DHRS3: variants seen among roughly 807,000 people sequenced by gnomAD.
The protein encoded by DHRS3 is short-chain dehydrogenase/reductase 3.
In DHRS3, 14 loss-of-function variants were observed where a neutral mutation model predicts 27.2. That is an observed-to-expected ratio of 0.52 (90% CI 0.34 to 0.81). DHRS3 has a LOEUF of 0.81. DHRS3 is among the 30% of genes least tolerant of loss of function. DHRS3 has a pLI of 0.01. For missense variants in DHRS3, 322 were observed against 406.2 expected (o/e 0.79, Z 1.78); for synonymous variants, 165 against 175.9 (o/e 0.94, Z 0.49).
rs1211399599 is a variant in DHRS3, at chr1:12,592,203, C to T, written c.196-11537G>A. On this transcript the variant is annotated intron_variant, in intron 1 of 5. Transcript: ENST00000616661. This position sits in a 1 kb window ranked among gnomAD's most constrained non-coding sequence, Gnocchi z 4.2. Reference sequence around the variant, plus strand: ...TGCAGGCTGGATCCTGCTCTGGGCTCTTAGACTGAATCCTCTCGGCTGCCC... The same window carrying T: ...TGCAGGCTGGATCCTGCTCTGGGCTTTTAGACTGAATCCTCTCGGCTGCCC... Among the ~76,000 whole-genome samples, 1 of 152,182 alleles carries T rather than the reference C, an allele frequency of 6.6e-6. No homozygotes were observed. Among genetic ancestry groups the T allele is most frequent in the Non-Finnish European group, 1.5e-5 (1 of 68,030 alleles).
At chr1:12,575,106 C>T (rs1333858896) in intron 4 of DHRS3, among the ~76,000 whole-genome samples, 1 of 151,992 alleles carries the variant, frequency 6.6e-6, no homozygotes, top group Non-Finnish European at 1.5e-5. Context: ...GCAGGTGGAT[C>T]ACTTGAGGCC....
At chr1:12,587,701 G>A (rs532082088) in intron 1 of DHRS3, among the ~76,000 whole-genome samples, 1 of 150,706 alleles carries the variant, frequency 6.6e-6, no homozygotes, top group South Asian at 2.1e-4. Flanking sequence ...AGAGAGAGCC[G>A]GTCTCAAAAA....
chr1:12,616,467 A>T, intron 1 of DHRS3: 1 of 797,146 alleles, frequency 1.3e-6, no homozygotes, highest in South Asian at 5.8e-5. Context: ...ACCACCTTCC[A>T]GCTAAATGGG....
intron 5 of DHRS3, among the ~76,000 whole-genome samples, chr1:12,569,486 G>T (rs915962220): frequency 1.3e-5 from 2 of 151,854 alleles, no homozygotes; most frequent in Non-Finnish European, 2.9e-5. Flanking sequence ...GCATAAATGG[G>T]GTATCCATCA....
chr1:12,595,388 C>T (rs1207137844), intron 1 of DHRS3, among the ~76,000 whole-genome samples: 8 of 151,640 alleles, frequency 5.3e-5, no homozygotes, highest in Non-Finnish European at 8.8e-5. Context: ...GAAAGTGGGC[C>T]CAGGGGCGGG....
rs757092204 is a variant in DHRS3, at chr1:12,568,362, T to C, written c.887A>G (p.Asn296Ser). Residue 296 changes from asparagine (N) to serine (S), a missense_variant, in exon 6 of 6, where the codon AAC becomes AGC. Coordinates refer to ENST00000616661, the MANE Select transcript of DHRS3 (RefSeq NM_004753.7). ...TCTCTATGTCCGCCCTTTGAAAGTGTTCATGCAGGTGTAGGTTCCTGAGAA... is the reference window on the plus strand; with the variant it reads ...TCTCTATGTCCGCCCTTTGAAAGTGCTCATGCAGGTGTAGGTTCCTGAGAA... Reference protein sequence around the residue: ...HKFSGTYTCMNTFKGRT With the variant: ...HKFSGTYTCMSTFKGRT 40 of 1,613,814 alleles carry C rather than the reference T, an allele frequency of 2.5e-5. No homozygotes were observed. The Admixed American group carries it at 5.3e-4, about 22-fold the overall frequency.
chr1:12,601,734 A>G (rs1266136967), intron 1 of DHRS3, among the ~76,000 whole-genome samples: 1 of 152,114 alleles, frequency 6.6e-6, no homozygotes, highest in Non-Finnish European at 1.5e-5. Context: ...ACAAGCAGAC[A>G]CCCTGGGTTC....
At chr1:12,569,409 G>GTA (rs1171815953) in intron 5 of DHRS3, among the ~76,000 whole-genome samples, 2 of 151,686 alleles carry the variant, frequency 1.3e-5, no homozygotes, top group Non-Finnish European at 2.9e-5. Flanking sequence ...TACATAGTAG[G>GTA]TATATATATT....
At position 12,578,807 on chromosome 1, in the gene DHRS3, G is replaced by A. The variant is rs761560950; in HGVS notation, c.609C>T (p.Thr203=). ...ASAFAFMESL[T]LGLLDCPGVS... is the part of the protein sequence containing the mutation. ...CTCCCGGACAGTCCAGCAGCCCCAG[G>A]GTCAGGCTCTCCATGAAGGCGAAGG... Residue 203 remains threonine (T), a synonymous_variant, in exon 4 of 6, where the codon ACC becomes ACT. Transcript: ENST00000616661. The surrounding 1 kb of genome is among the most constrained non-coding windows in gnomAD (Gnocchi z 4.5). The A allele has an allele frequency of 1.2e-6, 2 of 1,614,036 alleles. No homozygotes were observed. The highest frequency in any genetic ancestry group is 1.7e-6 in the Non-Finnish European group (2 of 1,180,026).
chr1:12,593,334 G>A lies in DHRS3; in HGVS notation c.196-12668C>T, dbSNP rs530533383. ...TCTTTTCCCAAGTATCCCTCTCCTT[G>A]TAGGGCACCCTCTTTTCTTTTTAAA... is the stretch of plus-strand genomic sequence containing the variant. On this transcript the variant is annotated intron_variant, in intron 1 of 5. Coordinates refer to ENST00000616661, the MANE Select transcript of DHRS3 (RefSeq NM_004753.7). This position sits in a 1 kb window ranked among gnomAD's most constrained non-coding sequence, Gnocchi z 4.6. 1.3e-5 allele frequency among the ~76,000 whole-genome samples: 2 copies of A among 152,206 alleles called. No homozygotes were observed. The highest frequency in any genetic ancestry group is 4.1e-4 in the South Asian group (2 of 4,828).
At chr1:12,576,883 A>G (rs561449794) in intron 4 of DHRS3, among the ~76,000 whole-genome samples, 6 of 149,536 alleles carry the variant, frequency 4.0e-5, no homozygotes, top group South Asian at 2.2e-4. Context: ...GATGTGTTAC[A>G]TGTATTATTT....
intron 5 of DHRS3, among the ~76,000 whole-genome samples, chr1:12,571,970 A>C (rs947717741): frequency 7.2e-5 from 11 of 152,216 alleles, no homozygotes; most frequent in African/African-American, 2.7e-4. Context: ...ATAAGAATCC[A>C]ATTGTCTTCA....
chr1:12,610,731 A>G (rs180691218), intron 1 of DHRS3, among the ~76,000 whole-genome samples: 18 of 152,274 alleles, frequency 1.2e-4, no homozygotes, highest in Admixed American at 3.3e-4. Flanking sequence ...CTCATTTCCA[A>G]TGGGCTTCAA....
rs376963887 is a variant in DHRS3 at position 12,593,774 on chromosome 1, C to A, written c.196-13108G>T. On this transcript the variant is annotated intron_variant, in intron 1 of 5. Coordinates refer to ENST00000616661, the MANE Select transcript of DHRS3 (RefSeq NM_004753.7). This position sits in a 1 kb window ranked among gnomAD's most constrained non-coding sequence, Gnocchi z 4.6. ...ACCTCATCCCTGGGTGTGATTCTTG[C>A]GAAACTTTTTGGTTCTGGGACCACT... 1.3e-5 allele frequency among the ~76,000 whole-genome samples: 2 copies of A among 152,066 alleles called. No homozygotes were observed. The highest frequency in any genetic ancestry group is 1.3e-4 in the Admixed American group (2 of 15,258).
At position 12,591,527 on chromosome 1, in the gene DHRS3, C is replaced by G. The variant is rs867638127; in HGVS notation, c.196-10861G>C. On this transcript the variant is annotated intron_variant, in intron 1 of 5. Transcript: ENST00000616661. The surrounding 1 kb of genome is among the most constrained non-coding windows in gnomAD (Gnocchi z 4.1). ...GAGCAGGGCAGAGACTTCCTCCAGG[C>G]GGACGTCCAGCCTGGAACTGGCCCG... is the stretch of plus-strand genomic sequence containing the variant. 6.6e-6 allele frequency among the ~76,000 whole-genome samples: 1 copy of G among 152,212 alleles called. No homozygotes were observed. The highest frequency in any genetic ancestry group is 2.4e-5 in the African/African-American group (1 of 41,448).
chr1:12,602,200 G>A (rs1001398182), intron 1 of DHRS3, among the ~76,000 whole-genome samples: 1 of 152,276 alleles, frequency 6.6e-6, no homozygotes, highest in Non-Finnish European at 1.5e-5. Flanking sequence ...AGGGGAAGTT[G>A]GATGGTTGTG....
Position 12,594,638 on chromosome 1 carries a change from G to A in DHRS3, c.196-13972C>T, listed in dbSNP as rs1388507060. Among the ~76,000 whole-genome samples the A allele has an allele frequency of 2.6e-5, 4 of 152,196 alleles. No individual in the cohort carries two copies. Among genetic ancestry groups the A allele is most frequent in the Non-Finnish European group, 5.9e-5 (4 of 68,014 alleles). On this transcript the variant is annotated intron_variant, in intron 1 of 5. Transcript: ENST00000616661. The surrounding 1 kb of genome is among the most constrained non-coding windows in gnomAD (Gnocchi z 4.1). ...AAGTGAAGGAGGGAGCGATACAGAC[G>A]CGTGGAGGAAGAGCATCCCTGGTGG...
intron 1 of DHRS3, among the ~76,000 whole-genome samples, chr1:12,615,305 T>C (rs1483580313): frequency 6.6e-6 from 1 of 152,236 alleles, no homozygotes; most frequent in Non-Finnish European, 1.5e-5. Context: ...ACTCGAAGTT[T>C]CACAGGCCCC....
At chr1:12,579,109 G>T in intron 3 of DHRS3, 153 bp from the exon 4 acceptor site, 1 of 1,270,928 alleles carries the variant, frequency 7.9e-7, no homozygotes, top group Non-Finnish European at 1.1e-6. Context: ...CCTGCCCCAG[G>T]ACACCGAGCA....
Sources: allele counts gnomAD v4.1 joint callset (sites outside exome capture counted in the v4.1 genomes callset), GRCh38; gene constraint gnomAD v4.1.1; non-coding constraint Gnocchi (gnomAD v3.1); transcripts MANE v1.5; gene names NCBI Gene and HGNC (gene_info 2026-07-23, HGNC 2026-07-21).